Variants in ALPL observed in about 807,000 individuals in gnomAD.
ALPL encodes the protein alkaline phosphatase, biomineralization associated.
ALPL carries 42 observed loss-of-function variants against 51.3 expected under a neutral mutation model. The observed-to-expected ratio is 0.82, with a 90% CI of 0.64 to 1.06. The LOEUF is 1.06. Among genes scored for constraint, ALPL ranks in the 50% least tolerant of loss-of-function variants. ALPL has a pLI of 0.00. For synonymous variants in ALPL, 279 were observed against 296.4 expected, an observed-to-expected ratio of 0.94 and a Z score of 0.60; for missense variants, 589 against 709.4, an observed-to-expected ratio of 0.83 and a Z score of 1.93.
At chr1:21,521,758 C>T (rs1643885528) in intron 1 of ALPL, among the ~76,000 whole-genome samples, 2 of 152,136 alleles carry the variant, frequency 1.3e-5, no homozygotes. Flanking sequence ...TATGAGGTGC[C>T]CAGTGTCATA....
At chr1:21,513,774 A>C (rs1351565645) in intron 1 of ALPL, among the ~76,000 whole-genome samples, 1 of 152,212 alleles carries the variant, frequency 6.6e-6, no homozygotes, top group Non-Finnish European at 1.5e-5. Context: ...TTATATAAAG[A>C]TAAGGATTTC....
In ALPL at chr1:21,553,982, G is replaced by T; in HGVS notation, c.-100G>T. 3.1e-6 allele frequency: 3 copies of T among 978,006 alleles called. No individual in the cohort carries two copies. Among genetic ancestry groups the T allele is most frequent in the Non-Finnish European group, 1.7e-6 (1 of 602,256 alleles). The allele number at this position is 978,006 out of a possible 1,614,324, so 60.6% of individuals were successfully genotyped here. A position where few individuals can be genotyped will look rare whatever the true frequency, so the allele number is the denominator to read the frequency against. Reference sequence around the variant, plus strand: ...TTCTCTTTTTTTAATTTCTAGGATTGGAACATCAGTTAACATCTGACCACT... The same window carrying T: ...TTCTCTTTTTTTAATTTCTAGGATTTGAACATCAGTTAACATCTGACCACT... On this transcript the variant is annotated 5_prime_UTR_variant, in exon 2 of 12. Transcript: ENST00000374840.
chr1:21,576,758 G>C, intron 11 of ALPL, 117 bp downstream of exon 11: 1 of 1,412,060 alleles, frequency 7.1e-7, no homozygotes, highest in Non-Finnish European at 9.8e-7. Context: ...TGGGGCTTGA[G>C]TCCCAGTTTG....
intron 9 of ALPL, 84 bp downstream of exon 9, chr1:21,573,883 A>G: frequency 1.3e-6 from 2 of 1,598,650 alleles, no homozygotes; most frequent in Non-Finnish European, 1.7e-6. Context: ...CTTAAAGGGA[A>G]CTGACTGGTT....
intron 7 of ALPL, among the ~76,000 whole-genome samples, 194 bp from the exon 8 acceptor site, chr1:21,570,111 A>G (rs1644624631): frequency 6.6e-6 from 1 of 152,118 alleles, no homozygotes; most frequent in African/African-American, 2.4e-5. Context: ...CAGAATTCTC[A>G]TCCCCTTGCA....
rs1644536862 is a variant in ALPL at position 21,564,562 on chromosome 1, C to G, written c.648+346C>G. Among the ~76,000 whole-genome samples, 1 of 152,242 alleles carries G rather than the reference C, an allele frequency of 6.6e-6. No individual in the cohort carries two copies. Among genetic ancestry groups the G allele is most frequent in the Admixed American group, 6.5e-5 (1 of 15,284 alleles). ...GTCGTCTGCCTGCCCTGCGTATTCA[C>G]ATGGTCACAGATGGGTACATATCTG... On this transcript the variant is annotated intron_variant, in intron 6 of 11. Coordinates refer to ENST00000374840, the MANE Select transcript of ALPL (RefSeq NM_000478.6). The surrounding 1 kb of genome is among the most constrained non-coding windows in gnomAD (Gnocchi z 5.8).
chr1:21,569,821 C>A lies in ALPL; in HGVS notation c.793-484C>A, dbSNP rs537286237. 4.6e-5 allele frequency among the ~76,000 whole-genome samples: 7 copies of A among 152,304 alleles called. No individual in the cohort carries two copies. In the South Asian group the frequency reaches 8.3e-4, roughly 18 times the overall value. ...CCTGGGGAAACAGCCACGCCTTTAT[C>A]TCCCCTCCCAGATGGGGTCCCCAAA... is the stretch of plus-strand genomic sequence containing the variant. On this transcript the variant is annotated intron_variant, in intron 7 of 11. Coordinates refer to ENST00000374840, the MANE Select transcript of ALPL (RefSeq NM_000478.6).
In ALPL at chr1:21,576,565, T is replaced by C. The variant is rs758911741; in HGVS notation, c.1233T>C (p.Thr411=). The C allele has an allele frequency of 3.7e-6, 6 of 1,613,976 alleles. No homozygotes were observed. The highest frequency in any genetic ancestry group is 2.2e-5 in the East Asian group (1 of 44,860). The stretch of plus-strand genomic sequence containing the variant: ...GTGACACAGACAAGAAGCCCTTCAC[T>C]GCCATCCTGTATGGCAATGGGCCTG... ...MLSDTDKKPF[T]AILYGNGPGY... is the part of the protein sequence containing the mutation. Residue 411 remains threonine, a synonymous_variant, in exon 11 of 12, where the codon ACT becomes ACC. Transcript: ENST00000374840.
intron 1 of ALPL, among the ~76,000 whole-genome samples, chr1:21,516,745 A>T (rs1451434661): frequency 6.6e-6 from 1 of 152,256 alleles, no homozygotes. Flanking sequence ...GCCTATCAAG[A>T]TATCAGAGAT....
Position 21,563,191 on chromosome 1 carries a change from A to G in ALPL, c.379A>G (p.Thr127Ala), listed in dbSNP as rs1570273880. Residue 127 changes from threonine to alanine, a missense_variant, in exon 5 of 12, where the codon ACC becomes GCC. Physicochemically the swap from Thr to Ala is moderately conservative, Grantham distance 58. Coordinates refer to ENST00000374840, the MANE Select transcript of ALPL (RefSeq NM_000478.6). ...YLCGVKANEG[T>A]VGVSAATERS... ...GTGTGGGGTGAAGGCCAATGAGGGC[A>G]CCGTGGGGGTAAGCGCAGCCACTGA... 1 of 1,613,940 alleles carries G rather than the reference A, an allele frequency of 6.2e-7. No individual in the cohort carries two copies. Among genetic ancestry groups the G allele is most frequent in the Non-Finnish European group, 8.5e-7 (1 of 1,180,014 alleles).
intron 1 of ALPL, among the ~76,000 whole-genome samples, chr1:21,542,972 T>G (rs973672622): frequency 2.6e-5 from 4 of 151,766 alleles, no homozygotes; most frequent in Non-Finnish European, 5.9e-5. Flanking sequence ...GGCAGCATAG[T>G]GAGACCCCAC....
At chr1:21,532,539 CAA>C (rs774828315) in intron 1 of ALPL, among the ~76,000 whole-genome samples, 34 of 152,148 alleles carry the variant, frequency 2.2e-4, no homozygotes, top group Admixed American at 1.3e-4. Context: ...AATAAGGAAA[CAA>C]GAGAAATAAG....
rs1644471781 is a variant in ALPL at position 21,560,698 on chromosome 1, A to G, written c.134A>G (p.Lys45Arg). 2 of 1,614,040 alleles carry G rather than the reference A, an allele frequency of 1.2e-6. No individual in the cohort carries two copies. Among genetic ancestry groups the G allele is most frequent in the African/African-American group, 2.7e-5 (2 of 74,910 alleles). Reference sequence around the variant, plus strand: ...CTGAAATATGCCCTGGAGCTTCAGAAGCTCAACACCAACGTGGCTAAGAAT... The same window carrying G: ...CTGAAATATGCCCTGGAGCTTCAGAGGCTCAACACCAACGTGGCTAAGAAT... Reference protein sequence around the residue: ...ETLKYALELQKLNTNVAKNVI... With the variant: ...ETLKYALELQRLNTNVAKNVI... Residue 45 changes from lysine (K) to arginine (R), a missense_variant, in exon 3 of 12, where the codon AAG (lysine) becomes AGG (arginine). Transcript: ENST00000374840.
At position 21,573,694 on chromosome 1, in the gene ALPL, G is replaced by A. The variant is rs121918017; in HGVS notation, c.892G>A (p.Glu298Lys). Residue 298 changes from glutamate (E) to lysine (K), a missense_variant, in exon 9 of 12, where the codon GAG (glutamate) becomes AAG (lysine). Physicochemically the swap from Glu to Lys is moderately conservative, Grantham distance 56. Transcript: ENST00000374840. ...CTTCGAGCCAGGGGACATGCAGTAC[G>A]AGCTGAACAGGAACAACGTGACGGA... ...GLFEPGDMQYELNRNNVTDPS... is the reference protein window; with the variant it reads ...GLFEPGDMQYKLNRNNVTDPS... 21 of 1,613,890 alleles carry A rather than the reference G, an allele frequency of 1.3e-5. No homozygotes were observed. The highest frequency in any genetic ancestry group is 8.3e-5 in the Admixed American group (5 of 59,978).
rs115987196 is a variant in ALPL, at chr1:21,562,963, G to A, written c.298-147G>A. On this transcript the variant is annotated intron_variant, in intron 4 of 11. Coordinates refer to ENST00000374840, the MANE Select transcript of ALPL (RefSeq NM_000478.6). ...AGCTAGGTAGTCCTGTGGCTCTGGG[G>A]GGCTTCAGTGGGCAGTGGGCCTGGT... The A allele has an allele frequency of 2.5e-3, 2,637 of 1,058,074 alleles. 48 individuals carry two copies. The African/African-American group carries it at 0.037, about 15-fold the overall frequency. The allele number at this position is 1,058,074 out of a possible 1,614,324, so 65.5% of individuals were successfully genotyped here.
At chr1:21,560,042 A>G (rs532658397) in intron 2 of ALPL, among the ~76,000 whole-genome samples, 28 of 152,386 alleles carry the variant, frequency 1.8e-4, no homozygotes, top group Admixed American at 3.3e-4. Context: ...CAAGAGTGAG[A>G]TCACCTGGCT....
At chr1:21,552,106 T>TTC (rs1644335078) in intron 1 of ALPL, among the ~76,000 whole-genome samples, 11 of 33,810 alleles carry the variant, frequency 3.3e-4, no homozygotes, top group African/African-American at 5.9e-4. Context: ...CCCTTCCCTT[T>TTC]CCTCCCCTTC....
At chr1:21,534,410 G>A (rs1481707362) in intron 1 of ALPL, among the ~76,000 whole-genome samples, 1 of 152,204 alleles carries the variant, frequency 6.6e-6, no homozygotes, top group Non-Finnish European at 1.5e-5. Flanking sequence ...ACAATTTGGG[G>A]CTCATAAGAC....
chr1:21,576,200 G>GGAT (rs1644729095), intron 10 of ALPL, among the ~76,000 whole-genome samples: 2 of 151,928 alleles, frequency 1.3e-5, no homozygotes, highest in Non-Finnish European at 2.9e-5. Context: ...GAGGATGGCT[G>GGAT]GCTGGATGAT....
Sources: allele counts gnomAD v4.1 joint callset (sites outside exome capture counted in the v4.1 genomes callset), GRCh38; gene constraint gnomAD v4.1.1; non-coding constraint Gnocchi (gnomAD v3.1); transcripts MANE v1.5; gene names NCBI Gene and HGNC (gene_info 2026-07-23, HGNC 2026-07-21).